DGKI: variants seen among roughly 807,000 people sequenced by gnomAD.
DGKI encodes the protein DAG kinase iota.
Under a neutral mutation model 147.5 loss-of-function variants are expected in DGKI, and 55 were observed. The observed-to-expected ratio is 0.37, with a 90% CI of 0.30 to 0.47. DGKI has a LOEUF of 0.47. Among genes scored for constraint, DGKI ranks in the 20% least tolerant of loss-of-function variants. The pLI, the probability that DGKI is intolerant of heterozygous loss-of-function variation, is 1.00. For synonymous variants in DGKI, 469 were observed against 477.1 expected (o/e 0.98, Z 0.22); for missense variants, 1,007 against 1,323.8 (o/e 0.76, Z 3.71).
In DGKI at chr7:137,721,128, C is replaced by T. The variant is rs117149549; in HGVS notation, c.402-31126G>A. Among the ~76,000 whole-genome samples the T allele has an allele frequency of 7.9e-5, 12 of 152,214 alleles. No individual in the cohort carries two copies. In the East Asian group the frequency reaches 1.2e-3, roughly 15 times the overall value. ...CCCATGGTTTGGACATCCTGTAATTCGGGAATTAATTTATCAGTTGTGCAA... is the reference window on the plus strand; with the variant it reads ...CCCATGGTTTGGACATCCTGTAATTTGGGAATTAATTTATCAGTTGTGCAA... On this transcript the variant is annotated intron_variant, in intron 1 of 32. Transcript: ENST00000614521.
At chr7:137,733,581 G>C (rs773867581) in intron 1 of DGKI, among the ~76,000 whole-genome samples, 6 of 152,020 alleles carry the variant, frequency 3.9e-5, no homozygotes, top group Non-Finnish European at 7.4e-5. Context: ...TTGCGTATCA[G>C]CTATACATCA....
chr7:137,508,172 A>G (rs570105778), intron 21 of DGKI, among the ~76,000 whole-genome samples: 1 of 152,068 alleles, frequency 6.6e-6, no homozygotes, highest in African/African-American at 2.4e-5. Context: ...TACTGACCAA[A>G]ACAGCCTTCA....
chr7:137,837,285 G>A (rs995324390), intron 1 of DGKI, among the ~76,000 whole-genome samples: 2 of 152,212 alleles, frequency 1.3e-5, no homozygotes, highest in African/African-American at 4.8e-5. Context: ...AGGTAGGGAG[G>A]TAAGTTAATC....
At chr7:137,395,747 C>A (rs751098773) in intron 31 of DGKI, 50 bp from the exon 32 acceptor site, 1 of 1,564,862 alleles carries the variant, frequency 6.4e-7, no homozygotes. Flanking sequence ...TTGGAGGCAG[C>A]AGGGAATGGG....
chr7:137,771,556 TAAAC>T (rs1299440175), intron 1 of DGKI: 1 of 152,206 alleles, frequency 6.6e-6, no homozygotes, highest in African/African-American at 2.4e-5. Context: ...AATTCTCTCT[TAAAC>T]AAGAGAAAGG....
chr7:137,556,890 A>T (rs981651510), intron 19 of DGKI, among the ~76,000 whole-genome samples: 1 of 152,206 alleles, frequency 6.6e-6, no homozygotes, highest in Non-Finnish European at 1.5e-5. Flanking sequence ...GCTTCTATGA[A>T]AGTATTTTTT....
At chr7:137,468,465 A>G (rs1026758203) in intron 24 of DGKI, among the ~76,000 whole-genome samples, 7 of 152,192 alleles carry the variant, frequency 4.6e-5, no homozygotes, top group African/African-American at 7.2e-5. Context: ...ATGACAAATG[A>G]TTATGTTTCT....
chr7:137,396,537 T>C (rs1196492065), intron 31 of DGKI, among the ~76,000 whole-genome samples: 3 of 152,222 alleles, frequency 2.0e-5, no homozygotes, highest in South Asian at 2.1e-4. Flanking sequence ...GCACCACTTA[T>C]AATCTTGCCA....
chr7:137,714,110 G>T (rs553705650), intron 1 of DGKI, among the ~76,000 whole-genome samples: 1 of 152,156 alleles, frequency 6.6e-6, no homozygotes, highest in South Asian at 2.1e-4. Context: ...ACTCTTCAAA[G>T]AAAGTAGTTT....
intron 12 of DGKI, among the ~76,000 whole-genome samples, chr7:137,588,841 T>G (rs1418380786): frequency 1.3e-5 from 2 of 152,180 alleles, no homozygotes; most frequent in Admixed American, 6.5e-5. Context: ...GTATTAAACT[T>G]TAAAACATTA....
chr7:137,688,707 T>C (rs1048689706), intron 2 of DGKI, among the ~76,000 whole-genome samples: 1 of 152,262 alleles, frequency 6.6e-6, no homozygotes, highest in African/African-American at 2.4e-5. Flanking sequence ...TTTATGTTTA[T>C]GCATTTAATT....
At chr7:137,497,082 AC>A (rs1815993373) in intron 21 of DGKI, among the ~76,000 whole-genome samples, 1 of 150,932 alleles carries the variant, frequency 6.6e-6, no homozygotes, top group African/African-American at 2.5e-5. Flanking sequence ...AATATCCAGC[AC>A]CTATAAAGAA....
At chr7:137,821,875 G>A (rs1204122023) in intron 1 of DGKI, among the ~76,000 whole-genome samples, 1 of 152,190 alleles carries the variant, frequency 6.6e-6, no homozygotes, top group Non-Finnish European at 1.5e-5. Flanking sequence ...TGCTGAAGGT[G>A]AGGGTGTGAG....
intron 14 of DGKI, among the ~76,000 whole-genome samples, chr7:137,583,732 G>C (rs539180402): frequency 6.6e-6 from 1 of 152,110 alleles, no homozygotes; most frequent in East Asian, 1.9e-4. Flanking sequence ...AGTAGGAAAA[G>C]AAACTTACAA....
intron 28 of DGKI, among the ~76,000 whole-genome samples, chr7:137,432,343 A>T (rs1267228443): frequency 2.0e-5 from 3 of 152,186 alleles, no homozygotes; most frequent in Non-Finnish European, 4.4e-5. Context: ...CCTAGAGAAC[A>T]ATAGGCTTTA....
At chr7:137,674,766 T>C (rs543863058) in intron 3 of DGKI, among the ~76,000 whole-genome samples, 4 of 152,330 alleles carry the variant, frequency 2.6e-5, no homozygotes, top group South Asian at 2.1e-4. Context: ...AAATCACTTA[T>C]GTAAATCTTA....
chr7:137,816,448 A>G (rs1463526035), intron 1 of DGKI, among the ~76,000 whole-genome samples: 1 of 152,208 alleles, frequency 6.6e-6, no homozygotes. Flanking sequence ...GTAAAAATGA[A>G]TGTTAACTAC....
chr7:137,552,898 G>C (rs901211919), intron 19 of DGKI, among the ~76,000 whole-genome samples: 1 of 152,040 alleles, frequency 6.6e-6, no homozygotes, highest in Non-Finnish European at 1.5e-5. Flanking sequence ...ATGGGCAATA[G>C]AGCGAGACTC....
chr7:137,491,758 A>G (rs1382807197), intron 21 of DGKI, among the ~76,000 whole-genome samples: 2 of 152,218 alleles, frequency 1.3e-5, no homozygotes, highest in Non-Finnish European at 2.9e-5. Context: ...GATACTACAG[A>G]CCACATCCCC....
Sources: allele counts gnomAD v4.1 joint callset (sites outside exome capture counted in the v4.1 genomes callset), GRCh38; gene constraint gnomAD v4.1.1; transcripts MANE v1.5; gene names NCBI Gene and HGNC (gene_info 2026-07-23, HGNC 2026-07-21).